The following FAM149A variants were observed in gnomAD, a reference collection of about 807,000 sequenced individuals.
FAM149A encodes family with sequence similarity 149 member A, also known as protein FAM149A.
A neutral mutation model predicts 78.2 loss-of-function variants in FAM149A; 71 were observed. The ratio of observed to expected loss-of-function variants is 0.91; its 90% CI spans 0.75 to 1.11. FAM149A has a LOEUF of 1.11. FAM149A is among the 50% of genes least tolerant of loss of function. The probability of loss-of-function intolerance (pLI) is 0.00; values close to 1 mark genes in which losing one functional copy is unlikely to be tolerated. For synonymous variants in FAM149A, 446 were observed against 410.5 expected (o/e 1.09, Z -1.04); for missense variants, 1,036 against 971.0 (o/e 1.07, Z -0.89).
intron 1 of FAM149A, among the ~76,000 whole-genome samples, chr4:186,117,226 A>G (rs1009278033): frequency 6.6e-6 from 1 of 152,240 alleles, no homozygotes; most frequent in African/African-American, 2.4e-5. Flanking sequence ...CATCTTTTGT[A>G]CAAAATACAG....
chr4:186,125,204 A>G lies in FAM149A; in HGVS notation c.566+19562A>G. 6 of 965,552 alleles carry G rather than the reference A, an allele frequency of 6.2e-6. No homozygotes were observed. The South Asian group carries it at 2.9e-4, about 46-fold the overall frequency. The allele number at this position is 965,552 out of a possible 1,614,324, so 59.8% of individuals were successfully genotyped here. A position where few individuals can be genotyped will look rare whatever the true frequency, so the allele number is the denominator to read the frequency against. On this transcript the variant is annotated intron_variant, in intron 1 of 13. Transcript: ENST00000389354. ...AATCCTTGCTGTTGGCATCTCACAA[A>G]CCTTTTCCTTTCTCTCAGTACTTTT...
intron 1 of FAM149A, chr4:186,146,950 C>T (rs180933869): frequency 1.0e-6 from 1 of 985,400 alleles, no homozygotes; most frequent in Admixed American, 6.1e-5. Context: ...ATTTCAGGTG[C>T]TTAGCTTAAA....
At chr4:186,109,395 G>A (rs950725881) in intron 1 of FAM149A, 121 of 820,970 alleles carry the variant, frequency 1.5e-4, no homozygotes, top group Non-Finnish European at 1.7e-4. Context: ...GGGCCTGTCA[G>A]CATGGCTGGC....
intron 8 of FAM149A, chr4:186,158,366 C>A: frequency 8.3e-7 from 1 of 1,202,320 alleles, no homozygotes; most frequent in East Asian, 5.3e-5. Context: ...GTCGCCATCC[C>A]GTGCAACAAG....
In FAM149A at chr4:186,146,533, C is replaced by T. The variant is rs147001350; in HGVS notation, c.567-2640C>T. 9 of 979,658 alleles carry T rather than the reference C, an allele frequency of 9.2e-6. No homozygotes were observed. The African/African-American group carries it at 1.6e-4, about 17-fold the overall frequency. The allele number at this position is 979,658 out of a possible 1,614,324, so 60.7% of individuals were successfully genotyped here. A position where few individuals can be genotyped will look rare whatever the true frequency, so the allele number is the denominator to read the frequency against. The stretch of plus-strand genomic sequence containing the variant: ...AATTTGAAAAGAGCTTCCACCCTTT[C>T]CCCTGAAAAAGAGTGAATTTCCTAG... On this transcript the variant is annotated intron_variant, in intron 1 of 13. Transcript: ENST00000389354.
At chr4:186,165,136 C>T (rs1734929535) in intron 10 of FAM149A, among the ~76,000 whole-genome samples, 1 of 152,226 alleles carries the variant, frequency 6.6e-6, no homozygotes, top group Non-Finnish European at 1.5e-5. Context: ...CTGTCTTTCA[C>T]TTGTATTGAG....
chr4:186,140,123 A>C (rs2099325183), intron 1 of FAM149A, among the ~76,000 whole-genome samples: 1 of 152,170 alleles, frequency 6.6e-6, no homozygotes, highest in Admixed American at 6.5e-5. Flanking sequence ...GTTTTAGCTA[A>C]TTTCTGCTCA....
intron 1 of FAM149A, chr4:186,133,023 C>T (rs2099321389): frequency 1.0e-6 from 1 of 985,260 alleles, no homozygotes; most frequent in Admixed American, 6.2e-5. Flanking sequence ...AGCTGGCCTG[C>T]ACTCAGCACT....
chr4:186,168,917 G>C (rs1735297803), intron 13 of FAM149A, among the ~76,000 whole-genome samples: 2 of 152,188 alleles, frequency 1.3e-5, no homozygotes, highest in Admixed American at 6.5e-5. Flanking sequence ...AGGCTTCCTA[G>C]AGGAGATGAC....
chr4:186,129,227 C>T (rs748180445), intron 1 of FAM149A, among the ~76,000 whole-genome samples: 5 of 151,542 alleles, frequency 3.3e-5, no homozygotes, highest in Admixed American at 6.6e-5. Context: ...GTGTGTGCTC[C>T]GAATACACTT....
chr4:186,140,222 A>G (rs901049202), intron 1 of FAM149A, among the ~76,000 whole-genome samples: 2 of 152,198 alleles, frequency 1.3e-5, no homozygotes, highest in African/African-American at 4.8e-5. Context: ...GGAGTTGCTT[A>G]TAATTTTTGG....
chr4:186,153,865 C>G (rs977140198), intron 5 of FAM149A, 95 bp downstream of exon 5: 11 of 1,410,520 alleles, frequency 7.8e-6, no homozygotes, highest in Non-Finnish European at 9.6e-6. Context: ...TGGCTCCACC[C>G]ATTTTGGAAA....
intron 1 of FAM149A, among the ~76,000 whole-genome samples, chr4:186,120,465 A>G (rs1489002124): frequency 6.6e-6 from 1 of 152,180 alleles, no homozygotes; most frequent in Admixed American, 6.5e-5. Flanking sequence ...AAATAACTCC[A>G]AAGAATTATA....
rs141900902 is a variant in FAM149A, at chr4:186,130,314, T to TATATATGTAA, written c.567-18858_567-18857insTATATGTAAA. On this transcript the variant is annotated intron_variant, in intron 1 of 13. Coordinates refer to ENST00000389354, the MANE Select transcript of FAM149A (RefSeq NM_001367768.3). The stretch of plus-strand genomic sequence containing the variant: ...CTCTCTATATATATATATATATATA[T>TATATATGTAA]AATCTATATCGACAGAACTAAAAGG... 2.6e-5 allele frequency among the ~76,000 whole-genome samples: 3 copies of TATATATGTAA among 116,456 alleles called. 1 individual carries two copies. The highest frequency in any genetic ancestry group is 1.1e-4 in the African/African-American group (3 of 28,492). 76.4% of individuals were successfully genotyped at this position (116,456 alleles called of 152,430 possible). A position where few individuals can be genotyped will look rare whatever the true frequency, so the allele number is the denominator to read the frequency against.
At chr4:186,161,859 A>G (rs2126524047) in intron 8 of FAM149A, among the ~76,000 whole-genome samples, 1 of 152,354 alleles carries the variant, frequency 6.6e-6, no homozygotes, top group East Asian at 1.9e-4. Flanking sequence ...ACAGAATTCC[A>G]GTCCCAGAAA....
chr4:186,136,988 C>CTCTCTCTCTCTT (rs2099323421), intron 1 of FAM149A, among the ~76,000 whole-genome samples: 7 of 121,594 alleles, frequency 5.8e-5, no homozygotes, highest in African/African-American at 2.2e-4. Context: ...CTCTCTCTCT[C>CTCTCTCTCTCTT]TCTCTCTCTC....
intron 8 of FAM149A, among the ~76,000 whole-genome samples, chr4:186,160,454 CACACCACACACCAT>C (rs1214347718): frequency 6.7e-6 from 1 of 149,438 alleles, no homozygotes; most frequent in East Asian, 2.0e-4. Flanking sequence ...CCCACACAAA[CACACCACACACCAT>C]ACACCACACA....
rs1164006160 is a variant in FAM149A, at chr4:186,173,716, AGCG to A, written c.*1730_*1732del. Among the ~76,000 whole-genome samples, 2 of 112,248 alleles carry A rather than the reference AGCG, an allele frequency of 1.8e-5. No individual in the cohort carries two copies. The highest frequency in any genetic ancestry group is 5.6e-5 in the African/African-American group (2 of 35,810). The allele number at this position is 112,248 out of a possible 152,430, so 73.6% of individuals were successfully genotyped here. A position where few individuals can be genotyped will look rare whatever the true frequency, so the allele number is the denominator to read the frequency against. On this transcript the variant is annotated 3_prime_UTR_variant, in exon 14 of 14. Transcript: ENST00000389354. ...AGGCAGCAGCAGCAGCAGCAGCAGC[AGCG>A]ACCACCAGGTCCATGCCTCTTTTCC...
chr4:186,125,764 CAG>C (rs1444012431), intron 1 of FAM149A: 1 of 985,176 alleles, frequency 1.0e-6, no homozygotes, highest in Non-Finnish European at 1.2e-6. Flanking sequence ...AGGCAAAGAA[CAG>C]AGAGGCCGTG....
Sources: allele counts gnomAD v4.1 joint callset (sites outside exome capture counted in the v4.1 genomes callset), GRCh38; gene constraint gnomAD v4.1.1; transcripts MANE v1.5; gene names NCBI Gene and HGNC (gene_info 2026-07-23, HGNC 2026-07-21).